Variants in EIF4ENIF1 observed in about 807,000 individuals in gnomAD.
EIF4ENIF1 encodes eukaryotic translation initiation factor 4E nuclear import factor 1.
In EIF4ENIF1, 23 loss-of-function variants were observed where a neutral mutation model predicts 110.5. The ratio of observed to expected loss-of-function variants is 0.21; its 90% CI spans 0.15 to 0.29. The LOEUF is 0.29. Among genes scored for constraint, EIF4ENIF1 ranks in the 10% least tolerant of loss-of-function variants. The pLI is 1.00. For synonymous variants in EIF4ENIF1, 440 were observed against 437.0 expected (o/e 1.01, Z -0.09); for missense variants, 1,031 against 1,221.1 (o/e 0.84, Z 2.32).
intron 2 of EIF4ENIF1, among the ~76,000 whole-genome samples, chr22:31,477,590 C>G (rs990256717): frequency 6.6e-6 from 1 of 152,098 alleles, no homozygotes; most frequent in Admixed American, 6.6e-5. Flanking sequence ...AGGTGTGATG[C>G]TTAAGTGAAC....
chr22:31,445,239 A>G (rs887831910), intron 14 of EIF4ENIF1, among the ~76,000 whole-genome samples: 1 of 152,162 alleles, frequency 6.6e-6, no homozygotes, highest in African/African-American at 2.4e-5. Context: ...GAGCGGCAAT[A>G]ATTAGCACAG....
intron 7 of EIF4ENIF1, among the ~76,000 whole-genome samples, chr22:31,456,309 C>T (rs867538207): frequency 1.1e-3 from 166 of 150,698 alleles, no homozygotes; most frequent in Middle Eastern, 6.9e-3. Flanking sequence ...CTGCAAGCTC[C>T]GCCTCCCGGG....
intron 14 of EIF4ENIF1, among the ~76,000 whole-genome samples, chr22:31,445,752 T>C (rs561529417): frequency 1.3e-5 from 2 of 152,012 alleles, no homozygotes; most frequent in Non-Finnish European, 2.9e-5. Context: ...TAGACAGTGA[T>C]GAATACAATT....
At chr22:31,482,834 C>A (rs1233365774) in intron 2 of EIF4ENIF1, among the ~76,000 whole-genome samples, 3 of 150,258 alleles carry the variant, frequency 2.0e-5, no homozygotes, top group Middle Eastern at 3.5e-3. Context: ...CCATCCTGGC[C>A]AACATGGTGA....
chr22:31,489,831 G>C lies in EIF4ENIF1; in HGVS notation c.-165C>G, dbSNP rs1418480144. The stretch of plus-strand genomic sequence containing the variant: ...GACCGGCTTGGGCTGTCTCTCTTCA[G>C]CCGCCGTAACTGCAGCCCGGCCCTC... On this transcript the variant is annotated 5_prime_UTR_variant, in exon 1 of 19. Coordinates refer to ENST00000330125, the MANE Select transcript of EIF4ENIF1 (RefSeq NM_019843.4). 3 of 151,650 alleles carry C rather than the reference G, an allele frequency of 2.0e-5. No individual in the cohort carries two copies. The highest frequency in any genetic ancestry group is 1.3e-4 in the Admixed American group (2 of 15,202). 9.4% of individuals were successfully genotyped at this position (151,650 alleles called of 1,614,324 possible). A position where few individuals can be genotyped will look rare whatever the true frequency, so the allele number is the denominator to read the frequency against.
chr22:31,464,101 G>A (rs2051092591), intron 4 of EIF4ENIF1, 134 bp from the exon 5 acceptor site: 2 of 1,113,034 alleles, frequency 1.8e-6, no homozygotes, highest in Non-Finnish European at 2.5e-6. Flanking sequence ...GGGCTTATCA[G>A]CAGATTCAGG....
chr22:31,488,784 G>A (rs1052078691), intron 1 of EIF4ENIF1, 39 bp from the exon 2 acceptor site: 8 of 1,555,432 alleles, frequency 5.1e-6, no homozygotes, highest in Admixed American at 2.1e-5. Context: ...ACCGAGAACA[G>A]TAAGTTTTCA....
chr22:31,463,268 C>T (rs940204281), intron 5 of EIF4ENIF1, 135 bp from the exon 6 acceptor site: 2 of 767,358 alleles, frequency 2.6e-6, no homozygotes, highest in Non-Finnish European at 4.1e-6. Flanking sequence ...ACCACCCCCA[C>T]CCCTTCCTCC....
downstream of EIF4ENIF1, among the ~76,000 whole-genome samples, chr22:31,438,066 C>G (rs573946095): frequency 3.4e-4 from 52 of 152,290 alleles, no homozygotes; most frequent in African/African-American, 1.3e-3. Context: ...TCATTATTCC[C>G]TAACAAACGG....
At chr22:31,468,067 T>G in intron 4 of EIF4ENIF1, 108 bp downstream of exon 4, 14 of 1,474,834 alleles carry the variant, frequency 9.5e-6, no homozygotes, top group African/African-American at 2.8e-5. Context: ...TTCCTGATAA[T>G]GACATTTCCC....
chr22:31,463,444 C>T (rs1413458640), intron 5 of EIF4ENIF1, among the ~76,000 whole-genome samples: 6 of 151,898 alleles, frequency 4.0e-5, no homozygotes, highest in East Asian at 3.9e-4. Context: ...TTTGGGAGGC[C>T]GAGGCAGGCC....
rs1463495654 is a variant in EIF4ENIF1, at chr22:31,442,907, A to C, written c.2206+55T>G. The C allele has an allele frequency of 3.7e-6, 6 of 1,602,362 alleles. No homozygotes were observed. In the East Asian group the frequency reaches 1.3e-4, roughly 36 times the overall value. On this transcript the variant is annotated intron_variant, in intron 16 of 18. Transcript: ENST00000330125. ...ATCAGGCTGGTCAGCGCTCAGGCCC[A>C]TGTTTTCTCCATCACATACTTTCTT...
chr22:31,463,416 C>T (rs1322232953), intron 5 of EIF4ENIF1, among the ~76,000 whole-genome samples: 3 of 152,056 alleles, frequency 2.0e-5, no homozygotes, highest in South Asian at 2.1e-4. Flanking sequence ...TGGTGGCTCA[C>T]GCCTGTAATC....
At chr22:31,448,018 G>T in intron 13 of EIF4ENIF1, 135 bp downstream of exon 13, 1 of 952,238 alleles carries the variant, frequency 1.1e-6, no homozygotes. Context: ...CAAAGTGCTG[G>T]GATTACGGGC....
Position 31,477,062 on chromosome 22 carries a change from G to A in EIF4ENIF1, c.97-5145C>T, listed in dbSNP as rs77266416. ...TGGTTGAGCCCAGGAGATCCAGGCCGCAATGAGCTGTAATTGTACCACCGC... is the reference window on the plus strand; with the variant it reads ...TGGTTGAGCCCAGGAGATCCAGGCCACAATGAGCTGTAATTGTACCACCGC... On this transcript the variant is annotated intron_variant, in intron 2 of 18. Coordinates refer to ENST00000330125, the MANE Select transcript of EIF4ENIF1 (RefSeq NM_019843.4). 5.0e-3 allele frequency among the ~76,000 whole-genome samples: 746 copies of A among 149,864 alleles called. 5 individuals are homozygous for A. The highest frequency in any genetic ancestry group is 0.018 in the African/African-American group (717 of 40,780).
chr22:31,448,319 G>T, intron 12 of EIF4ENIF1, 87 bp from the exon 13 acceptor site: 1 of 1,278,056 alleles, frequency 7.8e-7, no homozygotes, highest in Non-Finnish European at 1.1e-6. Context: ...ATTTCTTGCT[G>T]AACGCCATCT....
chr22:31,443,731 G>A (rs1397490936), intron 15 of EIF4ENIF1, among the ~76,000 whole-genome samples: 2 of 151,516 alleles, frequency 1.3e-5, no homozygotes, highest in African/African-American at 4.9e-5. Context: ...TCTGAAGCAC[G>A]CAGCAAAGTT....
upstream of EIF4ENIF1, among the ~76,000 whole-genome samples, chr22:31,492,398 A>G (rs188491079): frequency 1.1e-4 from 17 of 152,296 alleles, no homozygotes; most frequent in Admixed American, 3.9e-4. Context: ...GCCATACATG[A>G]TATCAGTGCC....
At chr22:31,474,080 GAC>G (rs1214264788) in intron 2 of EIF4ENIF1, among the ~76,000 whole-genome samples, 1 of 147,888 alleles carries the variant, frequency 6.8e-6, no homozygotes. Flanking sequence ...TTTTTTTTGA[GAC>G]AGTCTTGCTC....
Sources: gnomAD v4.1 joint callset for allele counts (sites outside exome capture counted in the v4.1 genomes callset) on GRCh38, gnomAD v4.1.1 for gene constraint, MANE v1.5 for transcripts, NCBI Gene and HGNC (gene_info 2026-07-23, HGNC 2026-07-21) for gene names.